Variants in RPAP3 observed in about 807,000 individuals in gnomAD.
The protein encoded by RPAP3 is RNA polymerase II associated protein 3, also known as RNA polymerase II-associated protein 3.
RPAP3 carries 58 observed loss-of-function variants against 88.8 expected under a neutral mutation model. That is an observed-to-expected ratio of 0.65 (90% CI 0.53 to 0.81). The LOEUF (loss-of-function observed/expected upper bound fraction) is 0.81, where lower values mean the gene tolerates loss of function less well. Among genes scored for constraint, RPAP3 ranks in the 40% least tolerant of loss-of-function variants. The pLI, the probability that RPAP3 is intolerant of heterozygous loss-of-function variation, is 0.00. For synonymous variants in RPAP3, 255 were observed against 259.9 expected (o/e 0.98, Z 0.18); for missense variants, 751 against 764.3 (o/e 0.98, Z 0.20).
In RPAP3 at chr12:47,697,329, G is replaced by A. The variant is rs367945313; in HGVS notation, c.417+268C>T. On this transcript the variant is annotated intron_variant, in intron 4 of 16. Transcript: ENST00000005386. ...GTTCACTTACTACCCATAAGAACCCGTTGAGGTTGGTAATATTATCATTTT... is the reference window on the plus strand; with the variant it reads ...GTTCACTTACTACCCATAAGAACCCATTGAGGTTGGTAATATTATCATTTT... Among the ~76,000 whole-genome samples, 147 of 152,226 alleles carry A rather than the reference G, an allele frequency of 9.7e-4. 3 individuals are homozygous for A. The South Asian group carries it at 0.018, about 19-fold the overall frequency.
chr12:47,664,558 AAT>A (rs1213504629), intron 16 of RPAP3: 3 of 152,214 alleles, frequency 2.0e-5, no homozygotes, highest in Non-Finnish European at 2.9e-5. Flanking sequence ...GCAATAATAA[AAT>A]ATAACAACAG....
At chr12:47,698,902 AG>A (rs1404333750) in intron 3 of RPAP3, among the ~76,000 whole-genome samples, 2 of 152,262 alleles carry the variant, frequency 1.3e-5, no homozygotes, top group South Asian at 2.1e-4. Flanking sequence ...TTATTTACGT[AG>A]GAAAAAAATT....
rs905384570 is a variant in RPAP3 at position 47,662,032 on chromosome 12, G to A, written c.*1473C>T. ...TAGATTCTGGTCTCTGGTGTCTGGT[G>A]AAGGCCCACCTTCTTGTTCGTAGAT... On this transcript the variant is annotated 3_prime_UTR_variant, in exon 17 of 17. Coordinates refer to ENST00000005386, the MANE Select transcript of RPAP3 (RefSeq NM_024604.3). 2 of 152,222 alleles carry A rather than the reference G, an allele frequency of 1.3e-5. No homozygotes were observed. Among genetic ancestry groups the A allele is most frequent in the African/African-American group, 4.8e-5 (2 of 41,452 alleles). 9.4% of individuals were successfully genotyped at this position (152,222 alleles called of 1,614,324 possible). A position where few individuals can be genotyped will look rare whatever the true frequency, so the allele number is the denominator to read the frequency against.
intron 16 of RPAP3, 93 bp from the exon 17 acceptor site, chr12:47,663,683 A>T (rs1321688980): frequency 1.4e-6 from 1 of 702,390 alleles, no homozygotes; most frequent in Non-Finnish European, 2.3e-6. Context: ...TGTCAAAAAC[A>T]TTTTACATTT....
At position 47,698,079 on chromosome 12, in the gene RPAP3, A is replaced by T. The variant is rs539388716; in HGVS notation, c.295-360T>A. Among the ~76,000 whole-genome samples the T allele has an allele frequency of 9.2e-5, 14 of 151,976 alleles. No homozygotes were observed. The South Asian group carries it at 1.0e-3, about 11-fold the overall frequency. The stretch of plus-strand genomic sequence containing the variant: ...TAGCACCCAGTAGCAGAAAAAGTTT[A>T]AAAAAAAATTTTTTTCTTCCTTATT... On this transcript the variant is annotated intron_variant, in intron 3 of 16. Transcript: ENST00000005386.
intron 5 of RPAP3, among the ~76,000 whole-genome samples, 162 bp from the exon 6 acceptor site, chr12:47,690,801 C>G (rs906209073): frequency 6.6e-6 from 1 of 152,214 alleles, no homozygotes; most frequent in Non-Finnish European, 1.5e-5. Context: ...AAAAGCAATA[C>G]TGCCATTGCT....
intron 12 of RPAP3, among the ~76,000 whole-genome samples, chr12:47,670,700 G>C (rs1311118809): frequency 1.3e-5 from 2 of 152,180 alleles, no homozygotes; most frequent in Non-Finnish European, 2.9e-5. Flanking sequence ...AAGTTGAAGG[G>C]TGCAGCACAG....
intron 14 of RPAP3, 66 bp downstream of exon 14, chr12:47,668,850 T>G: frequency 8.0e-7 from 1 of 1,242,656 alleles, no homozygotes; most frequent in East Asian, 2.3e-5. Flanking sequence ...GGCACCATTA[T>G]TATAAAGTGA....
intron 14 of RPAP3, among the ~76,000 whole-genome samples, chr12:47,668,136 G>A (rs1938921453): frequency 6.6e-6 from 1 of 152,030 alleles, no homozygotes; most frequent in African/African-American, 2.4e-5. Context: ...CAGAGGTTGC[G>A]GTGAGCTGAG....
intron 12 of RPAP3, among the ~76,000 whole-genome samples, chr12:47,673,175 G>A (rs1015261958): frequency 1.1e-4 from 17 of 152,180 alleles, no homozygotes; most frequent in African/African-American, 4.1e-4. Flanking sequence ...AGGCATGGTG[G>A]CTCATGCCTG....
Position 47,670,142 on chromosome 12 carries a change from C to T in RPAP3, c.1491G>A (p.Leu497=). ...AAGTATCACTGACTTCTTCTATTTT[C>T]AATACTTTTGCTCTTGGAGTATCAC... is the stretch of plus-strand genomic sequence containing the variant. ...PTSDTPRAKV[L]KIEEVSDTSS... is the part of the protein sequence containing the mutation. Residue 497 remains leucine (L), a synonymous_variant, in exon 13 of 17, where the codon TTG becomes TTA. Coordinates refer to ENST00000005386, the MANE Select transcript of RPAP3 (RefSeq NM_024604.3). 6.2e-7 allele frequency: 1 copy of T among 1,612,132 alleles called. No homozygotes were observed. The highest frequency in any genetic ancestry group is 8.5e-7 in the Non-Finnish European group (1 of 1,178,284).
Position 47,662,678 on chromosome 12 carries a change from T to G in RPAP3, c.*827A>C, listed in dbSNP as rs1938784722. 6.6e-6 allele frequency: 1 copy of G among 152,228 alleles called. No individual in the cohort carries two copies. Among genetic ancestry groups the G allele is most frequent in the Non-Finnish European group, 1.5e-5 (1 of 68,038 alleles). 9.4% of individuals were successfully genotyped at this position (152,228 alleles called of 1,614,324 possible). ...TTGCGTCAAATTCAATTAAATTTTA[T>G]AAGTATCAGTTGAGCACCTAACTAT... On this transcript the variant is annotated 3_prime_UTR_variant, in exon 17 of 17. Transcript: ENST00000005386.
chr12:47,667,936 TA>T, intron 14 of RPAP3, 85 bp from the exon 15 acceptor site: 1 of 903,084 alleles, frequency 1.1e-6, no homozygotes. Flanking sequence ...GTAAAAATAG[TA>T]AAGAATAACT....
At chr12:47,690,041 C>CAAAAAAAAAAAAAAAAAAAAAAA (rs573336232) in intron 6 of RPAP3, among the ~76,000 whole-genome samples, 1 of 56,614 alleles carries the variant, frequency 1.8e-5, no homozygotes. Flanking sequence ...GACTCTGTCT[C>CAAAAAAAAAAAAAAAAAAAAAAA]AAAAAAAAAA....
chr12:47,670,728 A>C (rs1324750274), intron 12 of RPAP3, among the ~76,000 whole-genome samples: 9 of 152,208 alleles, frequency 5.9e-5, no homozygotes, highest in Non-Finnish European at 2.9e-5. Flanking sequence ...AAAGGTGAGA[A>C]GTCCAGTGGG....
At chr12:47,698,444 T>C (rs1358970038) in intron 3 of RPAP3, among the ~76,000 whole-genome samples, 1 of 152,184 alleles carries the variant, frequency 6.6e-6, no homozygotes, top group East Asian at 1.9e-4. Context: ...TAATAAATAA[T>C]TTCATAGACC....
chr12:47,679,639 A>G (rs1280836131), intron 11 of RPAP3, 45 bp from the exon 12 acceptor site: 1 of 1,500,530 alleles, frequency 6.7e-7, no homozygotes, highest in Non-Finnish European at 9.2e-7. Context: ...TATTTATTAT[A>G]CAACAAATAA....
chr12:47,674,591 C>T (rs1939070515), intron 12 of RPAP3, among the ~76,000 whole-genome samples: 2 of 152,102 alleles, frequency 1.3e-5, no homozygotes, highest in African/African-American at 2.4e-5. Flanking sequence ...ATGAGAACTT[C>T]GTGATGCATG....
At chr12:47,680,788 T>G (rs182450176) in intron 10 of RPAP3, among the ~76,000 whole-genome samples, 86 of 151,228 alleles carry the variant, frequency 5.7e-4, no homozygotes, top group African/African-American at 2.0e-3. Context: ...GTATCAGATC[T>G]CCATTATCCT....
Sources: gnomAD v4.1 joint callset for allele counts (sites outside exome capture counted in the v4.1 genomes callset) on GRCh38, gnomAD v4.1.1 for gene constraint, MANE v1.5 for transcripts, NCBI Gene and HGNC (gene_info 2026-07-23, HGNC 2026-07-21) for gene names.